Variants in COX16 observed in about 807,000 individuals in gnomAD.
COX16 encodes the protein cytochrome c oxidase assembly factor COX16, also known as cytochrome c oxidase assembly protein COX16 homolog, mitochondrial.
A neutral mutation model predicts 15.4 loss-of-function variants in COX16; 12 were observed. That is an observed-to-expected ratio of 0.78 (90% CI 0.50 to 1.26). The LOEUF (loss-of-function observed/expected upper bound fraction) is 1.26, where lower values mean the gene tolerates loss of function less well. Among genes scored for constraint, COX16 ranks in the 50% most tolerant of loss-of-function variants. The pLI is 0.00. For synonymous variants in COX16, 46 were observed against 41.1 expected (o/e 1.12, Z -0.46); for missense variants, 124 against 127.6 (o/e 0.97, Z 0.14).
Position 70,326,298 on chromosome 14 carries a change from TAAAAAAAA to T in COX16, c.*27_*34del, listed in dbSNP as rs74353890. On this transcript the variant is annotated 3_prime_UTR_variant, in exon 4 of 4. Transcript: ENST00000389912. ...AAGTCCAGTTAATAATATTTTTATTTAAAAAAAAAAAAAAGGAAAAAAGAATCAGCAGA... is the reference window on the plus strand; with the variant it reads ...AAGTCCAGTTAATAATATTTTTATTTAAAAAAGGAAAAAAGAATCAGCAGA... 6.3e-6 allele frequency: 7 copies of T among 1,107,198 alleles called. No individual in the cohort carries two copies. The East Asian group carries it at 1.9e-4, about 30-fold the overall frequency. 68.6% of individuals were successfully genotyped at this position (1,107,198 alleles called of 1,614,324 possible).
intron 1 of COX16, among the ~76,000 whole-genome samples, chr14:70,343,357 G>T (rs180819032): frequency 7.7e-4 from 117 of 152,254 alleles, no homozygotes; most frequent in African/African-American, 2.7e-3. Context: ...CCTGATTCAT[G>T]AATTTTCTTT....
At chr14:70,329,586 G>A (rs944637002) in intron 2 of COX16, among the ~76,000 whole-genome samples, 3 of 151,970 alleles carry the variant, frequency 2.0e-5, no homozygotes, top group Admixed American at 6.5e-5. Flanking sequence ...TTAAGTATTA[G>A]TTCTCTGCCT....
intron 3 of COX16, chr14:70,328,233 A>G (rs538512030): frequency 3.2e-4 from 41 of 127,610 alleles, no homozygotes; most frequent in African/African-American, 1.1e-3. Flanking sequence ...TTGAGTCCCA[A>G]CAAGGGAGAA....
At chr14:70,346,596 GTGCCC>G (rs1277751085) in intron 1 of COX16, among the ~76,000 whole-genome samples, 1 of 152,202 alleles carries the variant, frequency 6.6e-6, no homozygotes, top group Non-Finnish European at 1.5e-5. Context: ...AAGATTGATG[GTGCCC>G]TGGAATGGAT....
intron 1 of COX16, among the ~76,000 whole-genome samples, chr14:70,354,226 G>A (rs1887056272): frequency 6.6e-6 from 1 of 152,080 alleles, no homozygotes; most frequent in Admixed American, 6.5e-5. Flanking sequence ...AAAATCAAAA[G>A]AGAACAAATC....
chr14:70,333,924 C>A (rs1039445622), intron 2 of COX16, among the ~76,000 whole-genome samples: 1 of 152,048 alleles, frequency 6.6e-6, no homozygotes, highest in Non-Finnish European at 1.5e-5. Flanking sequence ...GAGAGTGGGA[C>A]AATATATTTA....
chr14:70,354,862 G>GTGTGTA (rs1555345903), intron 1 of COX16, among the ~76,000 whole-genome samples: 1 of 141,644 alleles, frequency 7.1e-6, no homozygotes, highest in Non-Finnish European at 1.6e-5. Context: ...GTGTGTGTGT[G>GTGTGTA]GTGTTTGAAT....
chr14:70,350,033 G>A (rs34511042), intron 1 of COX16, among the ~76,000 whole-genome samples: 45,478 of 152,068 alleles, frequency 0.3, 7,857 homozygotes, highest in Admixed American at 0.4. Flanking sequence ...CCTATGTCAC[G>A]CCTGAAGTAG....
At chr14:70,326,539 TAGAAAGTATCCGA>T in intron 3 of COX16, 90 bp from the exon 4 acceptor site, 2 of 968,944 alleles carry the variant, frequency 2.1e-6, no homozygotes, top group Non-Finnish European at 2.8e-6. Context: ...AATAAATGAG[TAGAAAGTATCCGA>T]TAGGTCCTCG....
At chr14:70,340,837 G>A (rs938075210) in intron 2 of COX16, among the ~76,000 whole-genome samples, 1 of 152,048 alleles carries the variant, frequency 6.6e-6, no homozygotes, top group Non-Finnish European at 1.5e-5. Flanking sequence ...TAATTCAAAG[G>A]CTAATGCCTT....
intron 1 of COX16, among the ~76,000 whole-genome samples, chr14:70,346,108 C>T (rs906730504): frequency 1.3e-5 from 2 of 152,114 alleles, no homozygotes; most frequent in African/African-American, 2.4e-5. Flanking sequence ...CCTGTTAACC[C>T]TCCTTCCCCC....
chr14:70,355,367 C>G (rs1887094785), intron 1 of COX16, among the ~76,000 whole-genome samples: 1 of 152,208 alleles, frequency 6.6e-6, no homozygotes, highest in African/African-American at 2.4e-5. Context: ...CTGTATACCT[C>G]AACTCTCCAA....
chr14:70,356,800 T>C (rs761869530), intron 1 of COX16, among the ~76,000 whole-genome samples: 34 of 152,108 alleles, frequency 2.2e-4, no homozygotes, highest in Non-Finnish European at 4.3e-4. Flanking sequence ...AAATAAACTT[T>C]TTTAGAACTC....
chr14:70,335,768 T>C (rs2140700946), intron 2 of COX16, among the ~76,000 whole-genome samples: 1 of 152,284 alleles, frequency 6.6e-6, no homozygotes, highest in East Asian at 1.9e-4. Flanking sequence ...ATCTGGCTCT[T>C]TACAGGAAAA....
At chr14:70,354,977 C>T (rs1439043386) in intron 1 of COX16, among the ~76,000 whole-genome samples, 4 of 152,090 alleles carry the variant, frequency 2.6e-5, no homozygotes, top group Non-Finnish European at 5.9e-5. Flanking sequence ...ACTGATTCAT[C>T]AATTCTCTCC....
At chr14:70,329,312 A>G in intron 2 of COX16, 76 bp from the exon 3 acceptor site, 2 of 1,377,472 alleles carry the variant, frequency 1.5e-6, no homozygotes, top group Non-Finnish European at 2.0e-6. Context: ...AAGTTATAGA[A>G]GAGATGGCTG....
At chr14:70,344,006 G>A (rs1378760843) in intron 1 of COX16, among the ~76,000 whole-genome samples, 1 of 152,148 alleles carries the variant, frequency 6.6e-6, no homozygotes, top group Non-Finnish European at 1.5e-5. Context: ...TGGTCAGTTT[G>A]GAGTTGGACT....
At chr14:70,336,200 G>A (rs1886450155) in intron 2 of COX16, among the ~76,000 whole-genome samples, 1 of 152,184 alleles carries the variant, frequency 6.6e-6, no homozygotes, top group Non-Finnish European at 1.5e-5. Flanking sequence ...AAGTTGCAGT[G>A]AGCCAAGATT....
At position 70,325,138 on chromosome 14, in the gene COX16, TAGG is replaced by T. The variant is rs1886026177; in HGVS notation, c.*1192_*1194del. The T allele has an allele frequency of 6.6e-6, 1 of 152,118 alleles. No individual in the cohort carries two copies. The highest frequency in any genetic ancestry group is 6.6e-5 in the Admixed American group (1 of 15,262). The allele number at this position is 152,118 out of a possible 1,614,324, so 9.4% of individuals were successfully genotyped here. On this transcript the variant is annotated 3_prime_UTR_variant, in exon 4 of 4. Transcript: ENST00000389912. ...TGCTGAAAAGAATACAAATTTTGACTAGGAGGAGAAAGGGGGAGTGGATTTATG... is the reference window on the plus strand; with the variant it reads ...TGCTGAAAAGAATACAAATTTTGACTAGGAGAAAGGGGGAGTGGATTTATG...
Sources: gnomAD v4.1 joint callset for allele counts (sites outside exome capture counted in the v4.1 genomes callset) on GRCh38, gnomAD v4.1.1 for gene constraint, MANE v1.5 for transcripts, NCBI Gene and HGNC (gene_info 2026-07-23, HGNC 2026-07-21) for gene names.